Variants in GPC6 observed in about 807,000 individuals in gnomAD.
GPC6 encodes glypican 6, also known as glypican-6.
In GPC6, 14 loss-of-function variants were observed where a neutral mutation model predicts 55.2. The observed-to-expected ratio is 0.25, with a 90% confidence interval of 0.17 to 0.40. GPC6 has a LOEUF of 0.40. GPC6 is among the 10% of genes least tolerant of loss of function. GPC6 has a pLI of 1.00. For synonymous variants in GPC6, 278 were observed against 259.6 expected (o/e 1.07, Z -0.68); for missense variants, 641 against 708.5 (o/e 0.90, Z 1.08).
intron 1 of GPC6, among the ~76,000 whole-genome samples, chr13:93,410,457 C>T (rs1876455038): frequency 6.6e-6 from 1 of 152,060 alleles, no homozygotes; most frequent in Non-Finnish European, 1.5e-5. Context: ...GATATTATGC[C>T]TGCATTAGGA....
intron 4 of GPC6, among the ~76,000 whole-genome samples, chr13:94,135,383 T>TC (rs1320928354): frequency 6.6e-6 from 1 of 152,228 alleles, no homozygotes; most frequent in African/African-American, 2.4e-5. Flanking sequence ...TAAATAATTG[T>TC]CCAGGGCCTT....
chr13:93,721,530 C>G (rs1883455221), intron 2 of GPC6, among the ~76,000 whole-genome samples: 1 of 151,616 alleles, frequency 6.6e-6, no homozygotes, highest in African/African-American at 2.4e-5. Flanking sequence ...TAAAGAGTCT[C>G]CAGTACTAAT....
chr13:93,378,642 A>G (rs1875024100), intron 1 of GPC6, among the ~76,000 whole-genome samples: 1 of 152,158 alleles, frequency 6.6e-6, no homozygotes, highest in Admixed American at 6.5e-5. Context: ...ATGACTTATT[A>G]TGATCTTGAC....
intron 2 of GPC6, among the ~76,000 whole-genome samples, chr13:93,709,370 A>G (rs1882972824): frequency 6.6e-6 from 1 of 151,770 alleles, no homozygotes; most frequent in African/African-American, 2.4e-5. Flanking sequence ...GAGATTGAGA[A>G]CATCTGGTTA....
At chr13:93,520,851 T>C (rs1881391256) in intron 1 of GPC6, among the ~76,000 whole-genome samples, 2 of 82,496 alleles carry the variant, frequency 2.4e-5, no homozygotes, top group South Asian at 8.9e-4. Context: ...ATAGACAAAC[T>C]ATACAGGCAT....
At chr13:94,259,774 T>C (rs1891603632) in intron 4 of GPC6, among the ~76,000 whole-genome samples, 1 of 152,216 alleles carries the variant, frequency 6.6e-6, no homozygotes, top group South Asian at 2.1e-4. Context: ...TCCTTTTGTG[T>C]CCTGCTTATT....
chr13:93,223,019 C>CTTTTT (rs3073915), upstream of GPC6, among the ~76,000 whole-genome samples: 13,042 of 100,360 alleles, frequency 0.13, 1,566 homozygotes, highest in East Asian at 0.24. Context: ...AGGGAAAACA[C>CTTTTT]TTTTTTTTTT....
chr13:93,784,158 G>T (rs1885748511), intron 2 of GPC6, among the ~76,000 whole-genome samples: 1 of 152,060 alleles, frequency 6.6e-6, no homozygotes, highest in South Asian at 2.1e-4. Flanking sequence ...TCAGAGGCAG[G>T]GTGGGGGTAT....
intron 1 of GPC6, among the ~76,000 whole-genome samples, chr13:93,344,649 AT>A (rs1204737190): frequency 6.6e-6 from 1 of 152,118 alleles, no homozygotes; most frequent in African/African-American, 2.4e-5. Flanking sequence ...GAATAGGAGT[AT>A]TTAATTCAAT....
intron 4 of GPC6, among the ~76,000 whole-genome samples, chr13:94,161,839 G>C (rs1476346139): frequency 1.3e-5 from 2 of 152,130 alleles, no homozygotes; most frequent in African/African-American, 2.4e-5. Flanking sequence ...AAAGAGGTTT[G>C]AGTGACTCAC....
Position 93,895,234 on chromosome 13 carries a change from G to GTATA in GPC6, c.711+64729_711+64732dup, listed in dbSNP as rs60375718. Among the ~76,000 whole-genome samples the GTATA allele has an allele frequency of 3.3e-3, 353 of 108,054 alleles. 6 individuals are homozygous for GTATA. Among genetic ancestry groups the GTATA allele is most frequent in the Middle Eastern group, 5.4e-3 (1 of 186 alleles). 70.9% of individuals were successfully genotyped at this position (108,054 alleles called of 152,430 possible). ...TGTGTGTGTATGTATGTGTGTGTGT[G>GTATA]TATATATATATATATATATATATAT... On this transcript the variant is annotated intron_variant, in intron 3 of 8. Transcript: ENST00000377047.
intron 3 of GPC6, among the ~76,000 whole-genome samples, chr13:93,865,049 G>A (rs1888919495): frequency 6.6e-6 from 1 of 151,542 alleles, no homozygotes; most frequent in African/African-American, 2.4e-5. Flanking sequence ...CCATGAATGG[G>A]CATTTCATCA....
chr13:93,403,348 T>C (rs1308873394), intron 1 of GPC6, among the ~76,000 whole-genome samples: 1 of 152,194 alleles, frequency 6.6e-6, no homozygotes, highest in East Asian at 1.9e-4. Flanking sequence ...GCTCTTCTTT[T>C]AGTAAAAGTT....
At chr13:93,588,532 A>C (rs2389008) in intron 2 of GPC6, among the ~76,000 whole-genome samples, 24,890 of 152,110 alleles carry the variant, frequency 0.16, 5,080 homozygotes, top group African/African-American at 0.48. Context: ...TGAAGAAATA[A>C]CTAAGGCTGG....
At chr13:93,685,687 T>C (rs987751601) in intron 2 of GPC6, among the ~76,000 whole-genome samples, 10 of 152,206 alleles carry the variant, frequency 6.6e-5, no homozygotes, top group African/African-American at 2.4e-4. Flanking sequence ...CTAGTTGATT[T>C]TTCTATAAGG....
intron 1 of GPC6, among the ~76,000 whole-genome samples, chr13:93,401,739 T>C (rs1876092844): frequency 6.7e-6 from 1 of 150,136 alleles, no homozygotes; most frequent in African/African-American, 2.5e-5. Flanking sequence ...TTTCAAGCTT[T>C]TGGAAAGCAT....
At chr13:93,488,093 A>T (rs1879799236) in intron 1 of GPC6, among the ~76,000 whole-genome samples, 1 of 152,168 alleles carries the variant, frequency 6.6e-6, no homozygotes, top group African/African-American at 2.4e-5. Flanking sequence ...TACATTAGGT[A>T]TATCGCCTAA....
At chr13:93,785,915 T>C (rs1885802372) in intron 2 of GPC6, among the ~76,000 whole-genome samples, 1 of 152,176 alleles carries the variant, frequency 6.6e-6, no homozygotes, top group South Asian at 2.1e-4. Flanking sequence ...TAAGTCATGA[T>C]TGTGCCTCTG....
chr13:93,233,951 G>A (rs2139005965), intron 1 of GPC6, among the ~76,000 whole-genome samples: 1 of 152,274 alleles, frequency 6.6e-6, no homozygotes, highest in East Asian at 1.9e-4. Flanking sequence ...GCCCAGTAGT[G>A]CTAAAGTCAA....
Sources: gnomAD v4.1 joint callset for allele counts (sites outside exome capture counted in the v4.1 genomes callset) on GRCh38, gnomAD v4.1.1 for gene constraint, MANE v1.5 for transcripts, NCBI Gene and HGNC (gene_info 2026-07-23, HGNC 2026-07-21) for gene names.